PIK3C3: variants seen among roughly 807,000 people sequenced by gnomAD.
PIK3C3 encodes phosphatidylinositol 3-kinase catalytic subunit type 3.
PIK3C3 carries 95 observed loss-of-function variants against 126.1 expected under a neutral mutation model. The observed-to-expected ratio is 0.75, with a 90% CI of 0.64 to 0.89. The LOEUF (loss-of-function observed/expected upper bound fraction) is 0.89. PIK3C3 is among the 40% of genes least tolerant of loss of function. The probability of loss-of-function intolerance (pLI) is 0.00; values close to 1 mark genes in which losing one functional copy is unlikely to be tolerated. For missense variants in PIK3C3, 829 were observed against 1,063.2 expected, an observed-to-expected ratio of 0.78 and a Z score of 3.06; for synonymous variants, 374 against 360.0, an observed-to-expected ratio of 1.04 and a Z score of -0.44.
chr18:41,974,283 T>C (rs963989227), intron 4 of PIK3C3, among the ~76,000 whole-genome samples: 14 of 152,202 alleles, frequency 9.2e-5, no homozygotes, highest in South Asian at 4.1e-4. Flanking sequence ...GAATTCTAAT[T>C]ACAGTATGAA....
chr18:42,055,485 T>C (rs1326239314), intron 21 of PIK3C3, among the ~76,000 whole-genome samples: 1 of 152,108 alleles, frequency 6.6e-6, no homozygotes, highest in African/African-American at 2.4e-5. Context: ...GTTTGCTACC[T>C]TCTGTATTTC....
chr18:42,037,962 G>A (rs1598919526), intron 17 of PIK3C3, 142 bp downstream of exon 17: 2 of 715,750 alleles, frequency 2.8e-6, no homozygotes, highest in East Asian at 5.1e-5. Flanking sequence ...ACTTGACCTT[G>A]AAAAAATTTA....
chr18:41,956,641 G>A (rs1234252269), intron 1 of PIK3C3, among the ~76,000 whole-genome samples: 6 of 130,094 alleles, frequency 4.6e-5, no homozygotes, highest in Admixed American at 2.9e-4. Flanking sequence ...CAACTCTCAT[G>A]CATTGTTCAG....
At chr18:42,057,765 T>A in intron 21 of PIK3C3, 118 bp from the exon 22 acceptor site, 1 of 881,350 alleles carries the variant, frequency 1.1e-6, no homozygotes, top group Non-Finnish European at 1.8e-6. Flanking sequence ...TTAATAGGCT[T>A]CATCGTGAAC....
At position 42,084,442 on chromosome 18, in the gene PIK3C3, C is replaced by T. The variant is rs1460680746; in HGVS notation, c.*3305C>T. ...ATATACAGAAAATATACTGATTTGC[C>T]AAAATGAGTAATTTTGATATATTAA... On this transcript the variant is annotated 3_prime_UTR_variant, in exon 25 of 25. Coordinates refer to ENST00000262039, the MANE Select transcript of PIK3C3 (RefSeq NM_002647.4). The T allele has an allele frequency of 6.6e-6, 1 of 151,722 alleles. No individual in the cohort carries two copies. The highest frequency in any genetic ancestry group is 1.5e-5 in the Non-Finnish European group (1 of 67,950). 9.4% of individuals were successfully genotyped at this position (151,722 alleles called of 1,614,324 possible).
intron 14 of PIK3C3, 96 bp downstream of exon 14, chr18:42,027,644 T>C (rs941610892): frequency 5.7e-6 from 3 of 524,180 alleles, no homozygotes; most frequent in Non-Finnish European, 1.0e-5. Flanking sequence ...AAAATGGTTT[T>C]ATATATTTAT....
chr18:42,073,043 T>C (rs1034279815), intron 24 of PIK3C3, among the ~76,000 whole-genome samples: 1 of 152,218 alleles, frequency 6.6e-6, no homozygotes, highest in Non-Finnish European at 1.5e-5. Flanking sequence ...TTTCCAGTAA[T>C]GTTAATACAT....
In PIK3C3 at chr18:42,076,196, A is replaced by ATATATATATG. The variant is rs879781011; in HGVS notation, c.2650-4927_2650-4926insTATATATATG. Among the ~76,000 whole-genome samples, 176 of 106,760 alleles carry ATATATATATG rather than the reference A, an allele frequency of 1.6e-3. 5 individuals are homozygous for ATATATATATG. The highest frequency in any genetic ancestry group is 2.4e-3 in the African/African-American group (57 of 23,690). The allele number at this position is 106,760 out of a possible 152,430, so 70.0% of individuals were successfully genotyped here. On this transcript the variant is annotated intron_variant, in intron 24 of 24. Coordinates refer to ENST00000262039, the MANE Select transcript of PIK3C3 (RefSeq NM_002647.4). ...TATATATGCACATATATATATGCAC[A>ATATATATATG]CATATATATATGCACATATATATAT...
chr18:41,994,123 TTGAGA>T (rs1284013778), intron 7 of PIK3C3, among the ~76,000 whole-genome samples: 14 of 152,074 alleles, frequency 9.2e-5, no homozygotes, highest in South Asian at 6.2e-4. Flanking sequence ...AACATGATGA[TTGAGA>T]TAAGTACAGG....
chr18:42,073,332 G>A (rs537405015), intron 24 of PIK3C3, among the ~76,000 whole-genome samples: 3 of 152,260 alleles, frequency 2.0e-5, no homozygotes, highest in Admixed American at 6.5e-5. Context: ...TTAGCTTAAG[G>A]GAATTCAACT....
Position 42,073,348 on chromosome 18 carries a change from A to T in PIK3C3, c.2649+5835A>T, listed in dbSNP as rs149700349. ...TAGCTTAAGGGAATTCAACTGTGAT[A>T]TATTTGGGTGGATTTCAAAACAAAA... On this transcript the variant is annotated intron_variant, in intron 24 of 24. Coordinates refer to ENST00000262039, the MANE Select transcript of PIK3C3 (RefSeq NM_002647.4). 3.5e-3 allele frequency among the ~76,000 whole-genome samples: 538 copies of T among 152,336 alleles called. 4 individuals carry two copies. The highest frequency in any genetic ancestry group is 0.013 in the African/African-American group (521 of 41,584).
At chr18:42,021,393 A>G (rs1983314740) in intron 13 of PIK3C3, among the ~76,000 whole-genome samples, 1 of 152,172 alleles carries the variant, frequency 6.6e-6, no homozygotes, top group Admixed American at 6.6e-5. Context: ...AGAATCCTGA[A>G]GAGAAAAAGG....
chr18:42,025,695 G>C (rs1320771084), intron 13 of PIK3C3: 1 of 152,168 alleles, frequency 6.6e-6, no homozygotes, highest in African/African-American at 2.4e-5. Flanking sequence ...GTCTTGAAAA[G>C]GGGATCTGGT....
chr18:41,992,985 T>TA (rs1181172124), intron 6 of PIK3C3, among the ~76,000 whole-genome samples: 7 of 151,810 alleles, frequency 4.6e-5, no homozygotes, highest in Admixed American at 2.6e-4. Context: ...GAACGAAGTT[T>TA]AAAAAAAAGG....
intron 10 of PIK3C3, among the ~76,000 whole-genome samples, chr18:42,010,134 A>G (rs1982753257): frequency 6.6e-6 from 1 of 152,184 alleles, no homozygotes; most frequent in African/African-American, 2.4e-5. Flanking sequence ...AACTATGTTT[A>G]TGGAGTATTT....
chr18:42,037,987 C>G (rs779795194), intron 17 of PIK3C3, among the ~76,000 whole-genome samples, 167 bp downstream of exon 17: 3 of 152,148 alleles, frequency 2.0e-5, no homozygotes, highest in Non-Finnish European at 2.9e-5. Flanking sequence ...CTTTTATATA[C>G]TTCAGAATGG....
intron 4 of PIK3C3, among the ~76,000 whole-genome samples, chr18:41,975,698 GT>G (rs35430380): frequency 0.4 from 53,706 of 134,328 alleles, 9,856 homozygotes; most frequent in East Asian, 0.54. Flanking sequence ...AAAACGGACT[GT>G]TTTTTTTTTT....
At chr18:42,044,140 A>G (rs1388752727) in intron 20 of PIK3C3, among the ~76,000 whole-genome samples, 2 of 152,172 alleles carry the variant, frequency 1.3e-5, no homozygotes, top group Non-Finnish European at 2.9e-5. Context: ...AGACCATGGG[A>G]AAAGTTTCAA....
intron 20 of PIK3C3, among the ~76,000 whole-genome samples, chr18:42,046,086 G>GAA (rs1984545296): frequency 1.3e-5 from 2 of 152,022 alleles, no homozygotes; most frequent in African/African-American, 4.8e-5. Flanking sequence ...TTTTCATGGG[G>GAA]AAAGAATAGC....
Sources: allele counts gnomAD v4.1 joint callset (sites outside exome capture counted in the v4.1 genomes callset), GRCh38; gene constraint gnomAD v4.1.1; transcripts MANE v1.5; gene names NCBI Gene and HGNC (gene_info 2026-07-23, HGNC 2026-07-21).